Variants in JPH3 observed in about 807,000 individuals in gnomAD.
The protein encoded by JPH3 is junctophilin 3, also known as junctophilin-3.
JPH3 carries 11 observed loss-of-function variants against 59.6 expected under a neutral mutation model. The observed-to-expected ratio is 0.18, with a 90% CI of 0.12 to 0.31. JPH3 has a LOEUF of 0.31. JPH3 is among the 10% of genes least tolerant of loss of function. JPH3 has a pLI of 1.00. For missense variants in JPH3, 1,202 were observed against 1,105.7 expected (o/e 1.09, Z -1.24); for synonymous variants, 673 against 483.6 (o/e 1.39, Z -5.14).
In JPH3 at chr16:87,633,263, A is replaced by T. The variant is rs2031621933; in HGVS notation, c.383-10995A>T. Among the ~76,000 whole-genome samples, 3 of 151,772 alleles carry T rather than the reference A, an allele frequency of 2.0e-5. No homozygotes were observed. The South Asian group carries it at 6.3e-4, about 32-fold the overall frequency. On this transcript the variant is annotated intron_variant, in intron 1 of 4. Transcript: ENST00000284262. ...CCTCTGAGTCCCTTCATAGAAAGACACCAGGCCTATTGGATGAGGACCCCC... is the reference window on the plus strand; with the variant it reads ...CCTCTGAGTCCCTTCATAGAAAGACTCCAGGCCTATTGGATGAGGACCCCC...
At chr16:87,656,090 G>A (rs1371263363) in intron 2 of JPH3, among the ~76,000 whole-genome samples, 1 of 152,226 alleles carries the variant, frequency 6.6e-6, no homozygotes, top group Non-Finnish European at 1.5e-5. Flanking sequence ...GGTGCATGGC[G>A]TGAACTTCCC....
At chr16:87,621,239 C>A (rs914243191) in intron 1 of JPH3, among the ~76,000 whole-genome samples, 1 of 152,254 alleles carries the variant, frequency 6.6e-6, no homozygotes, top group African/African-American at 2.4e-5. Context: ...CTGGACCCGA[C>A]TTGGCCCAGA....
intron 1 of JPH3, among the ~76,000 whole-genome samples, chr16:87,625,858 C>T (rs1567587088): frequency 6.6e-6 from 1 of 152,112 alleles, no homozygotes; most frequent in Non-Finnish European, 1.5e-5. Context: ...GTTCCTATGG[C>T]ATGTTCACCC....
At position 87,634,905 on chromosome 16, in the gene JPH3, T is replaced by C. The variant is rs190810862; in HGVS notation, c.383-9353T>C. Among the ~76,000 whole-genome samples the C allele has an allele frequency of 4.0e-3, 612 of 152,338 alleles. 4 individuals are homozygous for C. Among genetic ancestry groups the C allele is most frequent in the Non-Finnish European group, 6.2e-3 (419 of 68,028 alleles). On this transcript the variant is annotated intron_variant, in intron 1 of 4. Transcript: ENST00000284262. The stretch of plus-strand genomic sequence containing the variant: ...CGCTCTAGCTGGGTGACACTGGGGT[T>C]ATTTTACCTGTCTCTGCCTCAGTTT...
rs111715182 is a variant in JPH3, at chr16:87,621,608, C to T, written c.382+18080C>T. ...CAGGAGCAATTGCTGTGCAAACACC[C>T]GGGACTGTCTCAGACGGTGGATGCA... On this transcript the variant is annotated intron_variant, in intron 1 of 4. Coordinates refer to ENST00000284262, the MANE Select transcript of JPH3 (RefSeq NM_020655.4). Among the ~76,000 whole-genome samples the T allele has an allele frequency of 3.5e-3, 537 of 152,346 alleles. 6 individuals are homozygous for T. Among genetic ancestry groups the T allele is most frequent in the African/African-American group, 0.012 (493 of 41,588 alleles).
At position 87,644,653 on chromosome 16, in the gene JPH3, A is replaced by G. The variant is rs770113757; in HGVS notation, c.778A>G (p.Ile260Val). Residue 260 changes from isoleucine (I) to valine (V), a missense_variant, in exon 2 of 5, where the codon ATC becomes GTC. Physicochemically the swap from Ile to Val is conservative, Grantham distance 29. Coordinates refer to ENST00000284262, the MANE Select transcript of JPH3 (RefSeq NM_020655.4). Reference sequence around the variant, plus strand: ...CACCGTCAGCTCCACGGCCAGCGACATCCACTCCACCATCAGCCTGGGCGA... The same window carrying G: ...CACCGTCAGCTCCACGGCCAGCGACGTCCACTCCACCATCAGCCTGGGCGA... ...MSTVSSTASDIHSTISLGEAE... is the reference protein window; with the variant it reads ...MSTVSSTASDVHSTISLGEAE... 6.8e-6 allele frequency: 11 copies of G among 1,611,742 alleles called. No individual in the cohort carries two copies. The African/African-American group carries it at 1.5e-4, about 22-fold the overall frequency.
intron 2 of JPH3, among the ~76,000 whole-genome samples, chr16:87,658,231 C>G (rs552139548): frequency 6.6e-6 from 1 of 152,298 alleles, no homozygotes; most frequent in Admixed American, 6.5e-5. Flanking sequence ...GCAGGGCTAC[C>G]AAACAGTGCA....
intron 1 of JPH3, among the ~76,000 whole-genome samples, chr16:87,615,874 C>G (rs772579312): frequency 6.6e-6 from 1 of 152,192 alleles, no homozygotes; most frequent in African/African-American, 2.4e-5. Flanking sequence ...CAGCACCCGA[C>G]AGCAGAGGAG....
intron 1 of JPH3, among the ~76,000 whole-genome samples, chr16:87,619,712 A>C (rs1367357494): frequency 1.3e-5 from 2 of 152,346 alleles, no homozygotes; most frequent in East Asian, 3.9e-4. Flanking sequence ...ACAAGTATCT[A>C]CTGAGCGCCG....
intron 2 of JPH3, among the ~76,000 whole-genome samples, chr16:87,667,310 G>A (rs1245141969): frequency 1.3e-5 from 2 of 152,342 alleles, no homozygotes; most frequent in Non-Finnish European, 1.5e-5. Flanking sequence ...TTCCCGACGT[G>A]AATGGAATAT....
chr16:87,679,057 C>T (rs567645722), intron 2 of JPH3, among the ~76,000 whole-genome samples: 4 of 152,210 alleles, frequency 2.6e-5, no homozygotes, highest in African/African-American at 7.2e-5. Context: ...GACCTCAAAT[C>T]CTCCCCATCT....
In JPH3 at chr16:87,644,337, G is replaced by A. The variant is rs369637308; in HGVS notation, c.462G>A (p.Ala154=). The change falls in exon 2 of 5, where the codon GCG becomes GCA. Residue 154 remains alanine, a synonymous_variant. Coordinates refer to ENST00000284262, the MANE Select transcript of JPH3 (RefSeq NM_020655.4). Reference sequence around the variant, plus strand: ...AGAGCGTCCCGTATGGCATGGCCGCGGTCATCCGCTCACCCCTGAGGACGT... The same window carrying A: ...AGAGCGTCCCGTATGGCATGGCCGCAGTCATCCGCTCACCCCTGAGGACGT... ...VRQSVPYGMA[A]VIRSPLRTSI... 8.2e-5 allele frequency: 133 copies of A among 1,612,862 alleles called. No homozygotes were observed. Among genetic ancestry groups the A allele is most frequent in the East Asian group, 1.1e-4 (5 of 44,882 alleles).
chr16:87,655,306 C>A (rs1001354168), intron 2 of JPH3, among the ~76,000 whole-genome samples: 6 of 152,108 alleles, frequency 3.9e-5, no homozygotes, highest in Non-Finnish European at 8.8e-5. Context: ...CTTTGCTGAG[C>A]CTCTGTCTCC....
intron 1 of JPH3, among the ~76,000 whole-genome samples, chr16:87,630,229 C>G (rs376209591): frequency 2.0e-5 from 3 of 152,334 alleles, no homozygotes; most frequent in African/African-American, 7.2e-5. Context: ...GTCCTATTTG[C>G]TGCCCACCTC....
chr16:87,647,474 C>T (rs557387205), intron 2 of JPH3, among the ~76,000 whole-genome samples: 7 of 152,292 alleles, frequency 4.6e-5, no homozygotes, highest in Middle Eastern at 3.4e-3. Flanking sequence ...CCTGCCAACC[C>T]CCCGACAGCC....
intron 1 of JPH3, among the ~76,000 whole-genome samples, chr16:87,622,959 C>G (rs199861893): frequency 6.6e-6 from 1 of 152,132 alleles, no homozygotes; most frequent in Admixed American, 6.5e-5. Context: ...CTGCGATGGC[C>G]GCTACTACCT....
At chr16:87,695,820 G>A (rs759512067) in intron 4 of JPH3, 9 of 455,944 alleles carry the variant, frequency 2.0e-5, no homozygotes, top group East Asian at 1.4e-4. Context: ...GTTGTGAGAC[G>A]TGTCCTACCT....
intron 2 of JPH3, among the ~76,000 whole-genome samples, chr16:87,673,525 A>T (rs558554710): frequency 6.6e-6 from 1 of 152,210 alleles, no homozygotes; most frequent in African/African-American, 2.4e-5. Flanking sequence ...TGTGTGAAAT[A>T]TCAAATATAC....
chr16:87,672,899 C>A (rs1443153372), intron 2 of JPH3, among the ~76,000 whole-genome samples: 1 of 152,182 alleles, frequency 6.6e-6, no homozygotes, highest in African/African-American at 2.4e-5. Context: ...AATCTCAGCA[C>A]TTTGGGAGGC....
Sources: gnomAD v4.1 joint callset for allele counts (sites outside exome capture counted in the v4.1 genomes callset) on GRCh38, gnomAD v4.1.1 for gene constraint, MANE v1.5 for transcripts, NCBI Gene and HGNC (gene_info 2026-07-23, HGNC 2026-07-21) for gene names.